Variants in UNKL observed in about 807,000 individuals in gnomAD.
The protein encoded by UNKL is unk like zinc finger, also known as putative E3 ubiquitin-protein ligase UNKL.
A neutral mutation model predicts 78.0 loss-of-function variants in UNKL; 60 were observed. That is an observed-to-expected ratio of 0.77 (90% CI 0.63 to 0.95). The LOEUF is 0.95. Ranked by LOEUF, UNKL falls within the 40% of genes least tolerant of loss-of-function variation. The pLI, the probability that UNKL is intolerant of heterozygous loss-of-function variation, is 0.00. For synonymous variants in UNKL, 608 were observed against 474.8 expected (o/e 1.28, Z -3.65); for missense variants, 1,159 against 1,045.7 (o/e 1.11, Z -1.49).
At chr16:1,406,513 T>A (rs1188489380) in intron 2 of UNKL, among the ~76,000 whole-genome samples, 1 of 152,008 alleles carries the variant, frequency 6.6e-6, no homozygotes, top group East Asian at 1.9e-4. Flanking sequence ...GCGCCCGGCC[T>A]AATTTTTTTG....
At chr16:1,379,147 A>C (rs1168942188) in intron 10 of UNKL, 1 of 152,272 alleles carries the variant, frequency 6.6e-6, no homozygotes, top group Admixed American at 6.5e-5. Flanking sequence ...CCCCGGGGTC[A>C]GGGACACGCG....
intron 2 of UNKL, among the ~76,000 whole-genome samples, chr16:1,413,614 A>G (rs2038147246): frequency 6.6e-6 from 1 of 152,370 alleles, no homozygotes; most frequent in Middle Eastern, 3.4e-3. Flanking sequence ...AATTGGTTTG[A>G]GTCACACAAG....
In UNKL at chr16:1,413,884, C is replaced by T; in HGVS notation, c.249G>A (p.Lys83=). 2 of 1,555,212 alleles carry T rather than the reference C, an allele frequency of 1.3e-6. No homozygotes were observed. Among genetic ancestry groups the T allele is most frequent in the Non-Finnish European group, 1.7e-6 (2 of 1,149,080 alleles). ...FNYSPDVYCS[K]YNEATGVCPD... ...GGCACACGCCGGTGGCTTCGTTGTA[C>T]TTGGAGCAGTACACGTCGGGGCTGT... is the stretch of plus-strand genomic sequence containing the variant. Residue 83 remains lysine (K), a synonymous_variant, in exon 2 of 15, where the codon AAG becomes AAA. Transcript: ENST00000389221.
intron 7 of UNKL, among the ~76,000 whole-genome samples, chr16:1,393,511 G>A (rs982373496): frequency 2.0e-5 from 3 of 152,186 alleles, no homozygotes; most frequent in East Asian, 1.9e-4. Flanking sequence ...CCACTGCAGC[G>A]TGGAGGAGGC....
chr16:1,371,082 CAAAAAAAAAAA>C (rs764163064), intron 11 of UNKL, among the ~76,000 whole-genome samples: 1 of 67,972 alleles, frequency 1.5e-5, no homozygotes, highest in South Asian at 5.8e-4. Flanking sequence ...GGCTCTGTCT[CAAAAAAAAAAA>C]AAAAAAAAAA....
At chr16:1,409,203 C>T (rs1002906718) in intron 2 of UNKL, among the ~76,000 whole-genome samples, 3 of 152,298 alleles carry the variant, frequency 2.0e-5, no homozygotes, top group Non-Finnish European at 4.4e-5. Flanking sequence ...TGAGCCACCG[C>T]GCCCAGCCAA....
At position 1,399,427 on chromosome 16, in the gene UNKL, T is replaced by C. The variant is rs2037416406; in HGVS notation, c.681A>G (p.Pro227=). 6.2e-7 allele frequency: 1 copy of C among 1,606,292 alleles called. No individual in the cohort carries two copies. The highest frequency in any genetic ancestry group is 8.5e-7 in the Non-Finnish European group (1 of 1,176,944). The change falls in exon 5 of 15, where the codon CCA becomes CCG. Residue 227 remains proline, a synonymous_variant. Transcript: ENST00000389221. The surrounding 1 kb of genome is among the most constrained non-coding windows in gnomAD (Gnocchi z 5.8). ...GCCTGTCCCGGCTATTGTGGTAGTG[T>C]GGGCACGCATAGCCCTGGCGGCACA... ...PRLCRQGYAC[P]HYHNSRDRRR...
At position 1,403,395 on chromosome 16, in the gene UNKL, G is replaced by A; in HGVS notation, c.288-51C>T. 5 of 1,560,666 alleles carry A rather than the reference G, an allele frequency of 3.2e-6. No homozygotes were observed. Among genetic ancestry groups the A allele is most frequent in the Non-Finnish European group, 4.3e-6 (5 of 1,155,152 alleles). On this transcript the variant is annotated intron_variant, in intron 2 of 14. Transcript: ENST00000389221. The surrounding 1 kb of genome is among the most constrained non-coding windows in gnomAD (Gnocchi z 4.8). ...CCTGGTTATCATGGACCCAGAGGCA[G>A]CCCTAAGCTCCCTGGGTCCACGCCC...
chr16:1,411,399 G>C (rs997272963), intron 2 of UNKL, among the ~76,000 whole-genome samples: 6 of 151,978 alleles, frequency 3.9e-5, no homozygotes, highest in Non-Finnish European at 8.8e-5. Flanking sequence ...AGGAGTGATA[G>C]AGCACTCCTG....
At position 1,397,108 on chromosome 16, in the gene UNKL, C is replaced by T. The variant is rs574704093; in HGVS notation, c.852+70G>A. 26 of 1,470,266 alleles carry T rather than the reference C, an allele frequency of 1.8e-5. No homozygotes were observed. In the East Asian group the frequency reaches 3.7e-4, roughly 21 times the overall value. The allele number at this position is 1,470,266 out of a possible 1,614,324, so 91.1% of individuals were successfully genotyped here. A position where few individuals can be genotyped will look rare whatever the true frequency, so the allele number is the denominator to read the frequency against. ...CACTGTTCCTTCTGTGTGATAACCA[C>T]GCTGTGAACCCCACAGCTTCTCTGG... On this transcript the variant is annotated intron_variant, in intron 6 of 14. Coordinates refer to ENST00000389221, the MANE Select transcript of UNKL (RefSeq NM_001372107.1).
At chr16:1,405,919 G>A (rs772317832) in intron 2 of UNKL, 2 of 456,500 alleles carry the variant, frequency 4.4e-6, no homozygotes, top group East Asian at 7.0e-5. Context: ...AACCCAAGGA[G>A]GGTCCACCAG....
rs983113591 is a variant in UNKL, at chr16:1,383,499, C to G, written c.1264+1709G>C. ...CCGTCCTGGGGCCTCAGGAGCTGCA[C>G]CTGGCTTTCCTCGCAGACACCACTC... On this transcript the variant is annotated intron_variant, in intron 10 of 14. Transcript: ENST00000389221. The G allele has an allele frequency of 5.9e-5, 15 of 253,528 alleles. No individual in the cohort carries two copies. The East Asian group carries it at 1.4e-3, about 23-fold the overall frequency. The allele number at this position is 253,528 out of a possible 1,614,324, so 15.7% of individuals were successfully genotyped here. A position where few individuals can be genotyped will look rare whatever the true frequency, so the allele number is the denominator to read the frequency against.
At chr16:1,386,946 C>T (rs117599564) in intron 9 of UNKL, among the ~76,000 whole-genome samples, 3,150 of 152,318 alleles carry the variant, frequency 0.021, 54 homozygotes, top group Non-Finnish European at 0.034. Flanking sequence ...GGGCCTGCCC[C>T]CTCGTCCATA....
rs567324115 is a variant in UNKL, at chr16:1,363,505, C to CG, written c.*2734dup. 409 of 277,602 alleles carry CG rather than the reference C, an allele frequency of 1.5e-3. No individual in the cohort carries two copies. The highest frequency in any genetic ancestry group is 8.3e-3 in the African/African-American group (374 of 44,852). 17.2% of individuals were successfully genotyped at this position (277,602 alleles called of 1,614,324 possible). A position where few individuals can be genotyped will look rare whatever the true frequency, so the allele number is the denominator to read the frequency against. The stretch of plus-strand genomic sequence containing the variant: ...CACACGTCGTGACACCACTGTATCA[C>CG]GGCGAATGTCGAACACTAGAGTTAC... On this transcript the variant is annotated 3_prime_UTR_variant, in exon 15 of 15. Coordinates refer to ENST00000389221, the MANE Select transcript of UNKL (RefSeq NM_001372107.1).
At chr16:1,366,939 C>G (rs1003887628) in intron 14 of UNKL, among the ~76,000 whole-genome samples, 153 bp downstream of exon 14, 2 of 122,704 alleles carry the variant, frequency 1.6e-5, no homozygotes, top group Non-Finnish European at 3.6e-5. Context: ...GGGGGCTGTG[C>G]TGGGGTGGGG....
chr16:1,403,018 C>T lies in UNKL; in HGVS notation c.464+150G>A. 9.4e-6 allele frequency: 10 copies of T among 1,062,604 alleles called. No individual in the cohort carries two copies. The highest frequency in any genetic ancestry group is 1.2e-5 in the Non-Finnish European group (9 of 761,664). The allele number at this position is 1,062,604 out of a possible 1,614,324, so 65.8% of individuals were successfully genotyped here. A position where few individuals can be genotyped will look rare whatever the true frequency, so the allele number is the denominator to read the frequency against. Reference sequence around the variant, plus strand: ...AAAAAAGCAAAAAAAGGACTAACATCCAGACTCAGAAAGAAATTCTGGAGG... The same window carrying T: ...AAAAAAGCAAAAAAAGGACTAACATTCAGACTCAGAAAGAAATTCTGGAGG... On this transcript the variant is annotated intron_variant, in intron 3 of 14. Coordinates refer to ENST00000389221, the MANE Select transcript of UNKL (RefSeq NM_001372107.1). The surrounding 1 kb of genome is among the most constrained non-coding windows in gnomAD (Gnocchi z 4.8).
At chr16:1,385,413 G>C in intron 9 of UNKL, 28 bp from the exon 10 acceptor site, 1 of 1,316,924 alleles carries the variant, frequency 7.6e-7, no homozygotes, top group Non-Finnish European at 9.7e-7. Context: ...CACCGTGAGC[G>C]CGCACCCCCT....
At position 1,367,900 on chromosome 16, in the gene UNKL, T is replaced by C. The variant is rs773078561; in HGVS notation, c.1586-42A>G. 1.7e-5 allele frequency: 25 copies of C among 1,500,068 alleles called. No homozygotes were observed. The African/African-American group carries it at 3.2e-4, about 19-fold the overall frequency. The allele number at this position is 1,500,068 out of a possible 1,614,324, so 92.9% of individuals were successfully genotyped here. A position where few individuals can be genotyped will look rare whatever the true frequency, so the allele number is the denominator to read the frequency against. On this transcript the variant is annotated intron_variant, in intron 12 of 14. Coordinates refer to ENST00000389221, the MANE Select transcript of UNKL (RefSeq NM_001372107.1). ...CGATGACGGCCCAGCCCTGCTGTGC[T>C]CGCGGCCTGGTGGGATTGGTGGGTG...
intron 7 of UNKL, among the ~76,000 whole-genome samples, chr16:1,393,718 G>A (rs1034848784): frequency 8.5e-5 from 13 of 152,304 alleles, no homozygotes; most frequent in Admixed American, 6.5e-4. Context: ...CACAAGGGAG[G>A]TGGTGCTCCT....
Sources: allele counts gnomAD v4.1 joint callset (sites outside exome capture counted in the v4.1 genomes callset), GRCh38; gene constraint gnomAD v4.1.1; non-coding constraint Gnocchi (gnomAD v3.1); transcripts MANE v1.5; gene names NCBI Gene and HGNC (gene_info 2026-07-23, HGNC 2026-07-21).